Variants in ATP6V0E1 observed in about 807,000 individuals in gnomAD.
ATP6V0E1 encodes ATPase H+ transporting V0 subunit e1, also known as V-type proton ATPase subunit e 1.
In ATP6V0E1, 4 loss-of-function variants were observed where a neutral mutation model predicts 11.6. That is an observed-to-expected ratio of 0.35 (90% confidence interval 0.17 to 0.79). The LOEUF (loss-of-function observed/expected upper bound fraction) is 0.79, where lower values mean the gene tolerates loss of function less well. Ranked by LOEUF, ATP6V0E1 falls within the 30% of genes least tolerant of loss-of-function variation. The pLI is 0.54. For missense variants in ATP6V0E1, 105 were observed against 100.0 expected (o/e 1.05, Z -0.21); for synonymous variants, 36 against 34.8 (o/e 1.04, Z -0.13).
chr5:173,017,530 G>A (rs1321453948), intron 2 of ATP6V0E1, among the ~76,000 whole-genome samples: 3 of 104,468 alleles, frequency 2.9e-5, no homozygotes, highest in African/African-American at 7.8e-5. Flanking sequence ...GTGAGACTTC[G>A]TCTAAAAAAA....
intron 2 of ATP6V0E1, among the ~76,000 whole-genome samples, chr5:173,009,456 C>CTTTTTTTT (rs920585185): frequency 2.9e-5 from 3 of 105,210 alleles, no homozygotes; most frequent in Non-Finnish European, 5.5e-5. Flanking sequence ...AGCCACTTCC[C>CTTTTTTTT]TTTTTTTTTT....
intron 3 of ATP6V0E1, among the ~76,000 whole-genome samples, chr5:173,031,256 T>TG (rs1407456052): frequency 6.7e-6 from 1 of 148,210 alleles, no homozygotes; most frequent in African/African-American, 2.5e-5. Context: ...ATTTTTGTAT[T>TG]TTTTTTTTAG....
chr5:173,009,595 G>T (rs1269287522), intron 2 of ATP6V0E1, among the ~76,000 whole-genome samples: 4 of 151,076 alleles, frequency 2.6e-5, no homozygotes, highest in Admixed American at 1.3e-4. Flanking sequence ...CTCCGGAGTA[G>T]CTGGGATTAC....
chr5:173,033,313 T>A (rs1273066635), intron 3 of ATP6V0E1, among the ~76,000 whole-genome samples: 1 of 152,108 alleles, frequency 6.6e-6, no homozygotes, highest in African/African-American at 2.4e-5. Context: ...TCTTCCCGCC[T>A]TGGCGTCCCA....
chr5:173,026,452 G>A (rs1398896033), intron 3 of ATP6V0E1, among the ~76,000 whole-genome samples: 1 of 152,120 alleles, frequency 6.6e-6, no homozygotes, highest in East Asian at 1.9e-4. Flanking sequence ...TTATGAACAA[G>A]ATATATTCAG....
At chr5:173,033,811 T>C (rs1314991123) in intron 3 of ATP6V0E1, among the ~76,000 whole-genome samples, 1 of 151,942 alleles carries the variant, frequency 6.6e-6, no homozygotes, top group Admixed American at 6.6e-5. Context: ...GCCACTGCAC[T>C]CCAGCCTGGA....
At chr5:172,999,906 G>C (rs1237453643) in intron 2 of ATP6V0E1, among the ~76,000 whole-genome samples, 1 of 152,042 alleles carries the variant, frequency 6.6e-6, no homozygotes, top group Non-Finnish European at 1.5e-5. Context: ...ATCCTATTTA[G>C]CATGATATCT....
At chr5:173,014,160 T>TAAAAAAAAAAAAAAAA (rs757466248) in intron 2 of ATP6V0E1, among the ~76,000 whole-genome samples, 2 of 67,826 alleles carry the variant, frequency 2.9e-5, no homozygotes, top group African/African-American at 5.6e-5. Context: ...GACTCCATCT[T>TAAAAAAAAAAAAAAAA]AAAAAAAAAA....
intron 2 of ATP6V0E1, among the ~76,000 whole-genome samples, chr5:173,002,129 GATTATTCTGAAACAA>G (rs1756166278): frequency 6.6e-6 from 1 of 152,092 alleles, no homozygotes; most frequent in African/African-American, 2.4e-5. Context: ...CTCCACCCCA[GATTATTCTGAAACAA>G]ATCCCAGACA....
In ATP6V0E1 at chr5:173,010,544, CTCTG is replaced by C. The variant is rs557446898; in HGVS notation, c.153-9690_153-9687del. On this transcript the variant is annotated intron_variant, in intron 2 of 3. Transcript: ENST00000519374. Reference sequence around the variant, plus strand: ...TAGTGTTGCTGGAATTAAAATCCGACTCTGTCTAATACCGAATCCCATGTTTTCT... The same window carrying C: ...TAGTGTTGCTGGAATTAAAATCCGACTCTAATACCGAATCCCATGTTTTCT... Among the ~76,000 whole-genome samples the C allele has an allele frequency of 5.1e-3, 784 of 152,336 alleles. 9 individuals carry two copies. Among genetic ancestry groups the C allele is most frequent in the African/African-American group, 0.018 (731 of 41,576 alleles).
rs1303329786 is a variant in ATP6V0E1 at position 172,983,837 on chromosome 5, G to A, written c.-24G>A. On this transcript the variant is annotated 5_prime_UTR_variant, in exon 1 of 4. Transcript: ENST00000519374. ...GGGATCCGAGTGAGGCGACGGGGTA[G>A]GGGTTGGCGCTCAGGCGGCGACCAT... The A allele has an allele frequency of 3.1e-6, 5 of 1,609,348 alleles. No homozygotes were observed. Among genetic ancestry groups the A allele is most frequent in the Non-Finnish European group, 4.3e-6 (5 of 1,176,112 alleles).
At chr5:173,029,343 C>A (rs974045384) in intron 3 of ATP6V0E1, among the ~76,000 whole-genome samples, 3 of 152,140 alleles carry the variant, frequency 2.0e-5, no homozygotes, top group Non-Finnish European at 4.4e-5. Context: ...CATTTCAGTT[C>A]CCAATATCAT....
At chr5:173,024,813 G>A (rs907785610) in intron 3 of ATP6V0E1, among the ~76,000 whole-genome samples, 2 of 151,122 alleles carry the variant, frequency 1.3e-5, no homozygotes, top group African/African-American at 2.4e-5. Flanking sequence ...TAACATTACA[G>A]AGTTTTTATT....
chr5:173,000,121 G>A (rs1433678987), intron 2 of ATP6V0E1, among the ~76,000 whole-genome samples: 2 of 152,090 alleles, frequency 1.3e-5, no homozygotes, highest in Non-Finnish European at 2.9e-5. Context: ...ATGCATTCAT[G>A]GACTTTTAAA....
intron 3 of ATP6V0E1, among the ~76,000 whole-genome samples, chr5:173,031,801 C>T (rs556966704): frequency 4.1e-4 from 56 of 136,502 alleles, no homozygotes; most frequent in African/African-American, 1.2e-3. Context: ...CCAGCCTGGG[C>T]GAGAGAGCGA....
At position 172,983,865 on chromosome 5, in the gene ATP6V0E1, C is replaced by T. The variant is rs770345175; in HGVS notation, c.5C>T (p.Ala2Val). Residue 2 changes from alanine to valine, a missense_variant, in exon 1 of 4, where the codon GCG (alanine) becomes GTG (valine). Physicochemically the swap from Ala to Val is moderately conservative, Grantham distance 64. Transcript: ENST00000519374. Reference protein sequence around the residue: MAYHGLTVPLIV... With the variant: MVYHGLTVPLIV... ...GTTGGCGCTCAGGCGGCGACCATGG[C>T]GTATCACGGCCTCACTGTGCCTCTC... The T allele has an allele frequency of 3.1e-6, 5 of 1,613,692 alleles. No individual in the cohort carries two copies. The highest frequency in any genetic ancestry group is 1.7e-5 in the Admixed American group (1 of 60,020).
chr5:173,020,872 CGA>C (rs774054553), intron 3 of ATP6V0E1: 1 of 519,806 alleles, frequency 1.9e-6, no homozygotes, highest in Non-Finnish European at 3.8e-6. Flanking sequence ...TGTGCTTCCC[CGA>C]GAGTGTGCTA....
chr5:172,998,954 C>T (rs184542272), intron 2 of ATP6V0E1, among the ~76,000 whole-genome samples: 129 of 152,158 alleles, frequency 8.5e-4, no homozygotes, highest in African/African-American at 2.7e-3. Context: ...CTGGCCAACA[C>T]GGTGAAACCC....
intron 2 of ATP6V0E1, among the ~76,000 whole-genome samples, chr5:173,018,439 G>C (rs369615159): frequency 1.6e-4 from 25 of 152,140 alleles, no homozygotes; most frequent in African/African-American, 6.0e-4. Flanking sequence ...AAGGGAGGTG[G>C]AGGCAGGACA....
Sources: gnomAD v4.1 joint callset for allele counts (sites outside exome capture counted in the v4.1 genomes callset) on GRCh38, gnomAD v4.1.1 for gene constraint, MANE v1.5 for transcripts, NCBI Gene and HGNC (gene_info 2026-07-23, HGNC 2026-07-21) for gene names.